Variants in SLC38A9 observed in about 807,000 individuals in gnomAD.
The protein encoded by SLC38A9 is solute carrier family 38 member 9, also known as neutral amino acid transporter 9.
In SLC38A9, 48 loss-of-function variants were observed where a neutral mutation model predicts 62.3. The observed-to-expected ratio is 0.77, with a 90% CI of 0.61 to 0.98. The LOEUF is 0.98. Ranked by LOEUF, SLC38A9 falls within the 50% of genes least tolerant of loss-of-function variation. The probability of loss-of-function intolerance (pLI) is 0.00; values close to 1 mark genes in which losing one functional copy is unlikely to be tolerated. For synonymous variants in SLC38A9, 204 were observed against 227.7 expected (o/e 0.90, Z 0.94); for missense variants, 541 against 679.8 (o/e 0.80, Z 2.27).
At chr5:55,647,791 T>C (rs1746652911) in intron 11 of SLC38A9, among the ~76,000 whole-genome samples, 1 of 152,228 alleles carries the variant, frequency 6.6e-6, no homozygotes, top group Non-Finnish European at 1.5e-5. Context: ...AACCTGAGAT[T>C]CTTTTTAATA....
At chr5:55,672,914 C>CT (rs3042057) in intron 3 of SLC38A9, 2 of 402,842 alleles carry the variant, frequency 5.0e-6, no homozygotes, top group South Asian at 8.3e-5. Context: ...TTTAAGCACA[C>CT]TTTTTTTGTA....
intron 8 of SLC38A9, among the ~76,000 whole-genome samples, 163 bp from the exon 9 acceptor site, chr5:55,656,937 T>G (rs965647952): frequency 6.6e-6 from 1 of 152,086 alleles, no homozygotes; most frequent in Non-Finnish European, 1.5e-5. Context: ...CTTGGCTTAC[T>G]GCAAGCTCCG....
intron 9 of SLC38A9, 128 bp from the exon 10 acceptor site, chr5:55,652,851 A>G (rs1000183146): frequency 3.1e-6 from 2 of 640,284 alleles, no homozygotes; most frequent in Non-Finnish European, 4.9e-6. Flanking sequence ...CTAGGAGCCT[A>G]AATTTCTCTT....
At chr5:55,633,580 G>A in intron 14 of SLC38A9, 174 bp downstream of exon 14, 1 of 727,132 alleles carries the variant, frequency 1.4e-6, no homozygotes, top group Non-Finnish European at 2.2e-6. Flanking sequence ...CTAGACAAGG[G>A]AGTGGCTTCT....
intron 3 of SLC38A9, among the ~76,000 whole-genome samples, chr5:55,682,079 G>A (rs941216695): frequency 2.6e-5 from 4 of 151,884 alleles, no homozygotes; most frequent in South Asian, 4.1e-4. Context: ...CCTCCTTGAC[G>A]GGCAAAGGAG....
intron 3 of SLC38A9, among the ~76,000 whole-genome samples, chr5:55,680,222 T>G (rs62362050): frequency 0.033 from 2,838 of 84,924 alleles, 43 homozygotes; most frequent in African/African-American, 0.051. Flanking sequence ...TATCTATATA[T>G]ATATAGAGAG....
intron 8 of SLC38A9, among the ~76,000 whole-genome samples, chr5:55,661,390 AGCCGAGATCTC>A (rs1052053949): frequency 1.5e-5 from 2 of 134,514 alleles, no homozygotes; most frequent in Non-Finnish European, 3.1e-5. Context: ...GCTTGCAGTG[AGCCGAGATCTC>A]GCCCCGGCAC....
intron 3 of SLC38A9, among the ~76,000 whole-genome samples, chr5:55,694,409 T>C (rs1755163780): frequency 2.0e-5 from 3 of 152,038 alleles, no homozygotes; most frequent in Admixed American, 6.5e-5. Context: ...GCATCAAAAC[T>C]TAAGTGTCAG....
intron 3 of SLC38A9, among the ~76,000 whole-genome samples, chr5:55,687,912 T>C (rs752065212): frequency 6.6e-6 from 1 of 152,164 alleles, no homozygotes; most frequent in Non-Finnish European, 1.5e-5. Context: ...TTAGCCAGGA[T>C]GGTCTCAATC....
intron 13 of SLC38A9, chr5:55,635,013 ATCTC>A (rs1197440363): frequency 1.4e-5 from 2 of 145,294 alleles, no homozygotes; most frequent in Admixed American, 1.4e-4. Flanking sequence ...CTCATAGGAC[ATCTC>A]TCTCTCTTTT....
chr5:55,645,354 G>A (rs1347456839), intron 12 of SLC38A9, among the ~76,000 whole-genome samples: 1 of 152,122 alleles, frequency 6.6e-6, no homozygotes, highest in Non-Finnish European at 1.5e-5. Context: ...CACGCCCAGG[G>A]TATCTTTAAA....
chr5:55,701,870 C>T (rs1177057419), intron 2 of SLC38A9, among the ~76,000 whole-genome samples: 3 of 152,286 alleles, frequency 2.0e-5, no homozygotes, highest in Middle Eastern at 3.4e-3. Context: ...GAATTAAAAA[C>T]GAGGCAGTCT....
Position 55,697,756 on chromosome 5 carries a change from A to G in SLC38A9, c.113+90T>C, listed in dbSNP as rs1172994066. The stretch of plus-strand genomic sequence containing the variant: ...TCCTGTAAGAAAGTGGATATTTTAT[A>G]ATCAAATCTATACATGTTTGGTTAT... On this transcript the variant is annotated intron_variant, in intron 3 of 15. Transcript: ENST00000396865. 2.4e-5 allele frequency: 14 copies of G among 591,728 alleles called. No homozygotes were observed. In the East Asian group the frequency reaches 4.5e-4, roughly 19 times the overall value. 36.7% of individuals were successfully genotyped at this position (591,728 alleles called of 1,614,324 possible).
rs572349428 is a variant in SLC38A9 at position 55,706,870 on chromosome 5, T to C, written c.-35+4582A>G. Among the ~76,000 whole-genome samples the C allele has an allele frequency of 1.7e-4, 26 of 152,204 alleles. 1 individual carries two copies. In the East Asian group the frequency reaches 3.9e-3, roughly 23 times the overall value. On this transcript the variant is annotated intron_variant, in intron 2 of 15. Coordinates refer to ENST00000396865, the MANE Select transcript of SLC38A9 (RefSeq NM_173514.4). ...TTTAATTTTTATTTTTTTGTGTAGA[T>C]GGTGCAAGTTTTGTCACAACAGAAA...
chr5:55,702,123 T>C (rs931870105), intron 2 of SLC38A9, among the ~76,000 whole-genome samples: 1 of 152,210 alleles, frequency 6.6e-6, no homozygotes, highest in Non-Finnish European at 1.5e-5. Context: ...GAATTAGAAA[T>C]CCTGTATCTA....
chr5:55,678,645 C>CTTTGTTT (rs1561397701), intron 3 of SLC38A9, among the ~76,000 whole-genome samples: 7 of 45,832 alleles, frequency 1.5e-4, no homozygotes, highest in East Asian at 6.2e-4. Flanking sequence ...CTGAAATGAA[C>CTTTGTTT]TTTTTTTTTT....
In SLC38A9 at chr5:55,633,693, A is replaced by G. The variant is rs568194763; in HGVS notation, c.1430+61T>C. On this transcript the variant is annotated intron_variant, in intron 14 of 15. Coordinates refer to ENST00000396865, the MANE Select transcript of SLC38A9 (RefSeq NM_173514.4). ...AAAGGATCAGTCACACTTTAAACTG[A>G]CCTGCTTGCACAGTCATTTGTTGCT... 107 of 1,609,998 alleles carry G rather than the reference A, an allele frequency of 6.6e-5. No individual in the cohort carries two copies. In the African/African-American group the frequency reaches 1.4e-3, roughly 20 times the overall value.
chr5:55,697,960 T>C lies in SLC38A9; in HGVS notation c.-2A>G. The C allele has an allele frequency of 2.0e-6, 3 of 1,520,066 alleles. No homozygotes were observed. Among genetic ancestry groups the C allele is most frequent in the Non-Finnish European group, 2.7e-6 (3 of 1,105,002 alleles). 94.2% of individuals were successfully genotyped at this position (1,520,066 alleles called of 1,614,324 possible). ...AGAATCACTATTCATATTTGCCATT[T>C]TTCTCACACTCTAAGCACTGAAGAA... On this transcript the variant is annotated 5_prime_UTR_variant, in exon 3 of 16. Coordinates refer to ENST00000396865, the MANE Select transcript of SLC38A9 (RefSeq NM_173514.4).
chr5:55,691,482 C>A (rs1477986970), intron 3 of SLC38A9, among the ~76,000 whole-genome samples: 1 of 152,132 alleles, frequency 6.6e-6, no homozygotes, highest in African/African-American at 2.4e-5. Flanking sequence ...TAGAGAAAGA[C>A]TGAAAAACAA....
Sources: allele counts gnomAD v4.1 joint callset (sites outside exome capture counted in the v4.1 genomes callset), GRCh38; gene constraint gnomAD v4.1.1; transcripts MANE v1.5; gene names NCBI Gene and HGNC (gene_info 2026-07-23, HGNC 2026-07-21).